The following NYAP2 variants were observed in gnomAD, a reference collection of about 807,000 sequenced individuals.
NYAP2 encodes the protein neuronal tyrosine-phosphorylated phosphoinositide-3-kinase adaptor 2, also known as neuronal tyrosine-phosphorylated phosphoinositide-3-kinase adapter 2.
Under a neutral mutation model 50.4 loss-of-function variants are expected in NYAP2, and 23 were observed. The observed-to-expected ratio is 0.46, with a 90% CI of 0.33 to 0.65. NYAP2 has a LOEUF of 0.65. Ranked by LOEUF, NYAP2 falls within the 30% of genes least tolerant of loss-of-function variation. The pLI is 0.02. For synonymous variants in NYAP2, 394 were observed against 365.2 expected, an observed-to-expected ratio of 1.08 and a Z score of -0.90; for missense variants, 885 against 861.0, an observed-to-expected ratio of 1.03 and a Z score of -0.35.
chr2:225,554,403 C>A (rs919694636), intron 4 of NYAP2, among the ~76,000 whole-genome samples: 5 of 151,654 alleles, frequency 3.3e-5, no homozygotes, highest in African/African-American at 1.2e-4. Flanking sequence ...CCACTGAAAC[C>A]TCTGCCTCCC....
chr2:225,469,984 G>C (rs1689986848), intron 3 of NYAP2, among the ~76,000 whole-genome samples: 2 of 152,136 alleles, frequency 1.3e-5, no homozygotes, highest in Admixed American at 6.5e-5. Flanking sequence ...ATGTACCCCA[G>C]AGCTTGAAGT....
At chr2:225,537,221 A>G (rs1330488919) in intron 4 of NYAP2, among the ~76,000 whole-genome samples, 1 of 152,158 alleles carries the variant, frequency 6.6e-6, no homozygotes, top group Non-Finnish European at 1.5e-5. Context: ...AAGTGAGATC[A>G]TGTGCAGTTT....
At chr2:225,616,301 G>C (rs1158278712) in intron 5 of NYAP2, among the ~76,000 whole-genome samples, 1 of 152,198 alleles carries the variant, frequency 6.6e-6, no homozygotes, top group Non-Finnish European at 1.5e-5. Context: ...TTATACAAGA[G>C]AGAAGGAATA....
chr2:225,520,332 C>G (rs1308136304), intron 4 of NYAP2, among the ~76,000 whole-genome samples: 1 of 152,052 alleles, frequency 6.6e-6, no homozygotes, highest in Non-Finnish European at 1.5e-5. Flanking sequence ...GTGTTTTAGA[C>G]ATGAAGTCCT....
intron 4 of NYAP2, among the ~76,000 whole-genome samples, chr2:225,546,553 G>A (rs1691588405): frequency 6.6e-6 from 1 of 151,962 alleles, no homozygotes; most frequent in Non-Finnish European, 1.5e-5. Flanking sequence ...TGTAGTGAAT[G>A]TTGCTAGGCC....
intron 4 of NYAP2, among the ~76,000 whole-genome samples, chr2:225,521,211 A>G (rs571637938): frequency 2.6e-5 from 4 of 151,946 alleles, no homozygotes; most frequent in African/African-American, 7.3e-5. Flanking sequence ...CAATCATGTC[A>G]TCTGCAAACA....
intron 3 of NYAP2, among the ~76,000 whole-genome samples, chr2:225,487,283 G>A (rs1690317849): frequency 6.6e-6 from 1 of 152,204 alleles, no homozygotes. Flanking sequence ...TCAGGCCCAT[G>A]ATGGCCCTCA....
chr2:225,474,457 C>T (rs1345702875), intron 3 of NYAP2, among the ~76,000 whole-genome samples: 2 of 152,172 alleles, frequency 1.3e-5, no homozygotes, highest in Non-Finnish European at 2.9e-5. Flanking sequence ...GAATGTTCTT[C>T]CATTTGTTTG....
intron 3 of NYAP2, among the ~76,000 whole-genome samples, chr2:225,451,340 CAATATT>C (rs1178152158): frequency 4.6e-5 from 7 of 152,180 alleles, no homozygotes; most frequent in African/African-American, 1.4e-4. Context: ...CTTGATCTGT[CAATATT>C]AATATTTTCT....
chr2:225,500,038 T>C lies in NYAP2; in HGVS notation c.222-13333T>C, dbSNP rs143635865. On this transcript the variant is annotated intron_variant, in intron 3 of 6. Coordinates refer to ENST00000636099, the Ensembl canonical transcript of NYAP2. ...ATAAAGTGGAAGAACAATATATGTATAAAAATTGTTAAGAGATATTGAGTC... is the reference window on the plus strand; with the variant it reads ...ATAAAGTGGAAGAACAATATATGTACAAAAATTGTTAAGAGATATTGAGTC... Among the ~76,000 whole-genome samples the C allele has an allele frequency of 2.0e-3, 297 of 152,264 alleles. 3 individuals are homozygous for C. The highest frequency in any genetic ancestry group is 1.8e-3 in the Non-Finnish European group (124 of 68,012).
chr2:225,456,145 C>A (rs1297989023), intron 3 of NYAP2, among the ~76,000 whole-genome samples: 4 of 152,200 alleles, frequency 2.6e-5, no homozygotes, highest in Non-Finnish European at 5.9e-5. Flanking sequence ...CATATGAGTC[C>A]ACTGCTTAAT....
At chr2:225,464,573 C>T (rs1442171443) in intron 3 of NYAP2, among the ~76,000 whole-genome samples, 1 of 152,144 alleles carries the variant, frequency 6.6e-6, no homozygotes, top group Non-Finnish European at 1.5e-5. Context: ...GCTCACTTCC[C>T]GGCCATTGCA....
At chr2:225,655,929 T>TACACACACACACACACACACAC (rs1693817634), downstream of NYAP2, among the ~76,000 whole-genome samples, 136 of 62,350 alleles carry the variant, frequency 2.2e-3, 1 homozygote, top group African/African-American at 6.3e-3. Context: ...CACACACACA[T>TACACACACACACACACACACAC]ACACACATAC....
At chr2:225,578,722 T>G (rs1015093073) in intron 4 of NYAP2, among the ~76,000 whole-genome samples, 1 of 152,158 alleles carries the variant, frequency 6.6e-6, no homozygotes, top group Non-Finnish European at 1.5e-5. Flanking sequence ...AAGAGTTGTT[T>G]AATTGTAAAA....
intron 3 of NYAP2, among the ~76,000 whole-genome samples, chr2:225,467,779 A>G (rs1405352417): frequency 1.3e-5 from 2 of 152,222 alleles, no homozygotes; most frequent in African/African-American, 2.4e-5. Context: ...AAATAACACT[A>G]TGCCACCACA....
intron 4 of NYAP2, among the ~76,000 whole-genome samples, chr2:225,553,204 A>G (rs1208129482): frequency 6.6e-6 from 1 of 152,254 alleles, no homozygotes; most frequent in Non-Finnish European, 1.5e-5. Context: ...TTCTAGGACC[A>G]CTAGAAGAAC....
At chr2:225,559,914 C>A (rs11884472) in intron 4 of NYAP2, among the ~76,000 whole-genome samples, 4,177 of 152,018 alleles carry the variant, frequency 0.027, 182 homozygotes, top group African/African-American at 0.093. Context: ...AAATTTCATC[C>A]TGTTGGAGAA....
intron 3 of NYAP2, among the ~76,000 whole-genome samples, chr2:225,510,253 G>A (rs760657900): frequency 4.6e-5 from 7 of 152,264 alleles, no homozygotes; most frequent in African/African-American, 1.4e-4. Flanking sequence ...TTTCTCATTC[G>A]TGATATTTTG....
At chr2:225,538,818 CTTT>C (rs1559208694) in intron 4 of NYAP2, among the ~76,000 whole-genome samples, 2 of 74,256 alleles carry the variant, frequency 2.7e-5, no homozygotes, top group Admixed American at 1.3e-4. Flanking sequence ...TTCTTTCTTT[CTTT>C]CTTTCTTTCT....
Sources: gnomAD v4.1 joint callset for allele counts (sites outside exome capture counted in the v4.1 genomes callset) on GRCh38, gnomAD v4.1.1 for gene constraint, MANE v1.5 for transcripts, NCBI Gene and HGNC (gene_info 2026-07-23, HGNC 2026-07-21) for gene names.